The following KCNMB2 variants were observed in gnomAD, a reference collection of about 807,000 sequenced individuals.
The protein encoded by KCNMB2 is potassium calcium-activated channel subfamily M regulatory beta subunit 2.
KCNMB2 carries 9 observed loss-of-function variants against 24.5 expected under a neutral mutation model. The observed-to-expected ratio is 0.37, with a 90% CI of 0.22 to 0.64. KCNMB2 has a LOEUF of 0.64. Ranked by LOEUF, KCNMB2 falls within the 30% of genes least tolerant of loss-of-function variation. The pLI is 0.63. For missense variants in KCNMB2, 226 were observed against 284.3 expected (o/e 0.79, Z 1.47); for synonymous variants, 109 against 104.4 (o/e 1.04, Z -0.27).
At chr3:178,616,264 G>A (rs962557215) in intron 1 of KCNMB2, among the ~76,000 whole-genome samples, 8 of 152,300 alleles carry the variant, frequency 5.3e-5, no homozygotes, top group African/African-American at 1.9e-4. Flanking sequence ...CAGTCCTTAC[G>A]TCCTAGACTT....
At chr3:178,791,210 G>A (rs1298415375) in intron 1 of KCNMB2, among the ~76,000 whole-genome samples, 3 of 152,142 alleles carry the variant, frequency 2.0e-5, no homozygotes, top group African/African-American at 7.2e-5. Flanking sequence ...TTTTAAGGAA[G>A]CTCAATGGAA....
intron 3 of KCNMB2, among the ~76,000 whole-genome samples, chr3:178,826,202 TC>T (rs1714827029): frequency 6.7e-6 from 1 of 149,340 alleles, no homozygotes; most frequent in South Asian, 2.3e-4. Flanking sequence ...AACCAACCCC[TC>T]CCTCACCTTC....
At chr3:178,605,183 T>C (rs1040721880) in intron 1 of KCNMB2, among the ~76,000 whole-genome samples, 1 of 152,110 alleles carries the variant, frequency 6.6e-6, no homozygotes, top group African/African-American at 2.4e-5. Flanking sequence ...GACCAAGACC[T>C]CATGAATGGG....
At position 178,838,381 on chromosome 3, in the gene KCNMB2, T is replaced by C. The variant is rs372587208; in HGVS notation, c.424-4272T>C. ...AGTACCAGGGGATTCTCTGCTCTACTCACCTATACAAATGTATTCACATTT... is the reference window on the plus strand; with the variant it reads ...AGTACCAGGGGATTCTCTGCTCTACCCACCTATACAAATGTATTCACATTT... On this transcript the variant is annotated intron_variant, in intron 4 of 4. Coordinates refer to ENST00000452583, the MANE Select transcript of KCNMB2 (RefSeq NM_181361.3). Among the ~76,000 whole-genome samples the C allele has an allele frequency of 1.4e-4, 21 of 152,304 alleles. No homozygotes were observed. The South Asian group carries it at 4.4e-3, about 32-fold the overall frequency.
At chr3:178,636,730 C>T (rs1277371423) in intron 1 of KCNMB2, among the ~76,000 whole-genome samples, 1 of 152,172 alleles carries the variant, frequency 6.6e-6, no homozygotes, top group African/African-American at 2.4e-5. Flanking sequence ...CTCTTCTAAG[C>T]ATTGCTTTTA....
intron 1 of KCNMB2, among the ~76,000 whole-genome samples, chr3:178,603,552 GA>G (rs1376241257): frequency 6.6e-6 from 1 of 152,148 alleles, no homozygotes; most frequent in Non-Finnish European, 1.5e-5. Flanking sequence ...AAGTGCTCAA[GA>G]AATGAACAGA....
chr3:178,796,840 A>T (rs1303569377), intron 1 of KCNMB2, among the ~76,000 whole-genome samples: 1 of 152,136 alleles, frequency 6.6e-6, no homozygotes, highest in African/African-American at 2.4e-5. Flanking sequence ...ATCTCAAAGA[A>T]CTAAAAAAGC....
rs1458290339 is a variant in KCNMB2 at position 178,828,284 on chromosome 3, C to G, written c.334C>G (p.Pro112Ala). ...AGACTGCTGGAAACTTTCTCAGTAC[C>G]CCTGCCTCCAGGTGTACGTTAACCT... ...GPDCWKLSQY[P>A]CLQVYVNLTS... The change falls in exon 4 of 5, where the codon CCC (proline) becomes GCC (alanine). Residue 112 changes from proline (P) to alanine (A), a missense_variant. Physicochemically the swap from Pro to Ala is conservative, Grantham distance 27. Transcript: ENST00000452583. 2 of 1,612,538 alleles carry G rather than the reference C, an allele frequency of 1.2e-6. No individual in the cohort carries two copies. The highest frequency in any genetic ancestry group is 1.7e-6 in the Non-Finnish European group (2 of 1,178,742).
At chr3:178,617,976 G>C (rs952890984) in intron 1 of KCNMB2, among the ~76,000 whole-genome samples, 17 of 150,590 alleles carry the variant, frequency 1.1e-4, no homozygotes, top group Non-Finnish European at 2.4e-4. Flanking sequence ...TTTCATTGTA[G>C]ATATGCCTAT....
rs559832710 is a variant in KCNMB2 at position 178,827,632 on chromosome 3, T to C, written c.228-546T>C. 1.9e-4 allele frequency among the ~76,000 whole-genome samples: 29 copies of C among 152,344 alleles called. No homozygotes were observed. In the South Asian group the frequency reaches 6.0e-3, roughly 32 times the overall value. Reference sequence around the variant, plus strand: ...GGTTGAGTTATCTTTTTTCCCTTATTAGAAAGACCTTAAGGCATTCTGTCA... The same window carrying C: ...GGTTGAGTTATCTTTTTTCCCTTATCAGAAAGACCTTAAGGCATTCTGTCA... On this transcript the variant is annotated intron_variant, in intron 3 of 4. Coordinates refer to ENST00000452583, the MANE Select transcript of KCNMB2 (RefSeq NM_181361.3).
intron 1 of KCNMB2, among the ~76,000 whole-genome samples, chr3:178,700,128 ACACT>A (rs1722035286): frequency 6.6e-6 from 1 of 152,240 alleles, no homozygotes; most frequent in African/African-American, 2.4e-5. Flanking sequence ...CCTACAGAAG[ACACT>A]CACTTTGCCT....
At chr3:178,744,698 T>G (rs1176239018) in intron 1 of KCNMB2, among the ~76,000 whole-genome samples, 1 of 148,596 alleles carries the variant, frequency 6.7e-6, no homozygotes, top group Admixed American at 6.8e-5. Flanking sequence ...CAAGGACACA[T>G]AGGATCTTGT....
chr3:178,633,347 A>G (rs1448087961), intron 1 of KCNMB2, among the ~76,000 whole-genome samples: 1 of 152,202 alleles, frequency 6.6e-6, no homozygotes, highest in East Asian at 1.9e-4. Context: ...CAGCCCCTCC[A>G]GCAAACTTCT....
intron 1 of KCNMB2, among the ~76,000 whole-genome samples, chr3:178,793,465 G>A (rs1402082805): frequency 6.7e-6 from 1 of 150,082 alleles, no homozygotes; most frequent in Non-Finnish European, 1.5e-5. Context: ...CAGTGATGGA[G>A]GGAAGGAATT....
At chr3:178,784,811 G>A (rs890433693) in intron 1 of KCNMB2, among the ~76,000 whole-genome samples, 3 of 144,556 alleles carry the variant, frequency 2.1e-5, no homozygotes, top group Admixed American at 1.4e-4. Flanking sequence ...AGTGTCTTTT[G>A]CATTGTAAAA....
chr3:178,724,977 G>A (rs1321748470), intron 1 of KCNMB2, among the ~76,000 whole-genome samples: 2 of 151,960 alleles, frequency 1.3e-5, no homozygotes, highest in Admixed American at 6.6e-5. Flanking sequence ...TTTTTGCTCA[G>A]GGTTGCTTTG....
chr3:178,760,393 C>T lies in KCNMB2; in HGVS notation c.-67-46950C>T, dbSNP rs1711787138. On this transcript the variant is annotated intron_variant, in intron 1 of 4. Transcript: ENST00000452583. ...AAGATATATATATTATATATATATC[C>T]ATATCCAAGATATATATATTATATA... is the stretch of plus-strand genomic sequence containing the variant. Among the ~76,000 whole-genome samples the T allele has an allele frequency of 2.4e-5, 3 of 127,262 alleles. No homozygotes were observed. In the South Asian group the frequency reaches 7.2e-4, roughly 30 times the overall value. The allele number at this position is 127,262 out of a possible 152,430, so 83.5% of individuals were successfully genotyped here. A position where few individuals can be genotyped will look rare whatever the true frequency, so the allele number is the denominator to read the frequency against.
rs543502582 is a variant in KCNMB2, at chr3:178,648,206, G to C, written c.-68+111495G>C. 2.6e-5 allele frequency among the ~76,000 whole-genome samples: 4 copies of C among 152,132 alleles called. No homozygotes were observed. In the East Asian group the frequency reaches 7.7e-4, roughly 29 times the overall value. On this transcript the variant is annotated intron_variant, in intron 1 of 4. Transcript: ENST00000452583. Reference sequence around the variant, plus strand: ...AGCTCTATGTATTCTTGAAATATATGTTCCCATATATGATATACACAAAAA... The same window carrying C: ...AGCTCTATGTATTCTTGAAATATATCTTCCCATATATGATATACACAAAAA...
intron 1 of KCNMB2, among the ~76,000 whole-genome samples, chr3:178,639,620 T>C (rs1343971607): frequency 2.0e-5 from 3 of 152,236 alleles, no homozygotes; most frequent in Admixed American, 1.3e-4. Context: ...CAGGAGTAAC[T>C]TTCCCCTTTG....
Sources: allele counts gnomAD v4.1 joint callset (sites outside exome capture counted in the v4.1 genomes callset), GRCh38; gene constraint gnomAD v4.1.1; transcripts MANE v1.5; gene names NCBI Gene and HGNC (gene_info 2026-07-23, HGNC 2026-07-21).